POLN: variants seen among roughly 807,000 people sequenced by gnomAD.
POLN encodes the protein DNA polymerase N.
Under a neutral mutation model 113.5 loss-of-function variants are expected in POLN, and 108 were observed. The observed-to-expected ratio is 0.95, with a 90% CI of 0.81 to 1.12. POLN has a LOEUF of 1.12. POLN is among the 50% of genes most tolerant of loss of function. The pLI is 0.00. For synonymous variants in POLN, 386 were observed against 391.5 expected (o/e 0.99, Z 0.17); for missense variants, 1,097 against 1,077.1 (o/e 1.02, Z -0.26).
At chr4:2,079,743 C>A in intron 23 of POLN, 1 of 754,092 alleles carries the variant, frequency 1.3e-6, no homozygotes, top group Non-Finnish European at 1.6e-6. Flanking sequence ...CGCCACCACA[C>A]CTGGCTAATT....
At chr4:2,184,811 A>G (rs550535598) in intron 7 of POLN, among the ~76,000 whole-genome samples, 29 of 152,364 alleles carry the variant, frequency 1.9e-4, no homozygotes, top group African/African-American at 6.7e-4. Flanking sequence ...AGGCTCACCT[A>G]ACTCATCAAA....
chr4:2,224,731 A>C (rs1254306676), intron 3 of POLN, among the ~76,000 whole-genome samples: 1 of 152,140 alleles, frequency 6.6e-6, no homozygotes, highest in Non-Finnish European at 1.5e-5. Flanking sequence ...TGGGAGGATC[A>C]CCTGAGGTCA....
In POLN at chr4:2,242,088, G is replaced by C. The variant is rs955459001; in HGVS notation, c.-321C>G. 1.0e-6 allele frequency: 1 copy of C among 985,786 alleles called. No homozygotes were observed. The highest frequency in any genetic ancestry group is 1.2e-6 in the Non-Finnish European group (1 of 830,288). The allele number at this position is 985,786 out of a possible 1,614,324, so 61.1% of individuals were successfully genotyped here. A position where few individuals can be genotyped will look rare whatever the true frequency, so the allele number is the denominator to read the frequency against. On this transcript the variant is annotated 5_prime_UTR_variant, in exon 1 of 26. Transcript: ENST00000511885. ...CGCTTGCTTCTCGCAGGAGCCCGCC[G>C]CCACCGCCCTCCGTGCCCCGCGCGC...
intron 21 of POLN, 149 bp downstream of exon 21, chr4:2,085,464 A>G: frequency 9.8e-7 from 1 of 1,019,100 alleles, no homozygotes; most frequent in Non-Finnish European, 1.4e-6. Flanking sequence ...CTTCAGCCTT[A>G]TTTGTCCAAT....
At chr4:2,162,848 A>T in intron 13 of POLN, among the ~76,000 whole-genome samples, 1 of 151,918 alleles carries the variant, frequency 6.6e-6, no homozygotes, top group Non-Finnish European at 1.5e-5. Flanking sequence ...CTGACCCTCG[A>T]GTCAACACCA....
At chr4:2,141,022 C>T (rs1203870799) in intron 16 of POLN, 1 of 152,308 alleles carries the variant, frequency 6.6e-6, no homozygotes, top group Non-Finnish European at 1.5e-5. Context: ...AAGCACCGCC[C>T]AGGCCTGCTG....
At chr4:2,171,385 AC>A (rs1474054479) in intron 11 of POLN, among the ~76,000 whole-genome samples, 3 of 43,224 alleles carry the variant, frequency 6.9e-5, no homozygotes, top group Non-Finnish European at 1.3e-4. Flanking sequence ...CGACCCCACC[AC>A]TAAAAAAAAA....
At position 2,128,169 on chromosome 4, in the gene POLN, C is replaced by T. The variant is rs1731630455; in HGVS notation, c.1926G>A (p.Leu642=). The change falls in exon 19 of 26, where the codon CTG becomes CTA. Residue 642 remains leucine (L), a synonymous_variant. Transcript: ENST00000511885. ...LTHLSGDPEL[L]KLFQESERDD... ...CTCTTTCAGATTCCTGGAATAACTT[C>T]AGAAGTTCCGGATCTCCAGATAAAT... 6.2e-7 allele frequency: 1 copy of T among 1,612,826 alleles called. No individual in the cohort carries two copies. The highest frequency in any genetic ancestry group is 8.5e-7 in the Non-Finnish European group (1 of 1,178,988).
chr4:2,181,649 G>A (rs1794362), intron 7 of POLN, among the ~76,000 whole-genome samples: 152,026 of 152,282 alleles, frequency 1, 75,885 homozygotes, highest in Middle Eastern at 1. Context: ...TCAAAGGAAA[G>A]AAAACAAACG....
chr4:2,211,585 G>A (rs1357183051), intron 4 of POLN, among the ~76,000 whole-genome samples: 5 of 151,976 alleles, frequency 3.3e-5, no homozygotes, highest in South Asian at 2.1e-4. Context: ...AGACCAGCCC[G>A]GGCAACATGG....
chr4:2,211,042 G>T (rs1343328593), intron 4 of POLN, among the ~76,000 whole-genome samples: 2 of 150,780 alleles, frequency 1.3e-5, no homozygotes, highest in African/African-American at 2.4e-5. Context: ...CCAGAGGTCA[G>T]GAGTTCGAGA....
At chr4:2,128,801 T>C (rs1300896009) in intron 18 of POLN, among the ~76,000 whole-genome samples, 1 of 152,196 alleles carries the variant, frequency 6.6e-6, no homozygotes, top group Non-Finnish European at 1.5e-5. Context: ...ATGCCTGTAA[T>C]CCCAGCACTT....
At chr4:2,130,272 G>C (rs928502787) in intron 17 of POLN, among the ~76,000 whole-genome samples, 21 of 142,106 alleles carry the variant, frequency 1.5e-4, no homozygotes, top group Admixed American at 1.5e-3. Flanking sequence ...GAGGAGAGGA[G>C]AGGGGAGGAG....
chr4:2,156,825 G>A lies in POLN; in HGVS notation c.1694C>T (p.Thr565Ile). The stretch of plus-strand genomic sequence containing the variant: ...TGAAAGTCTTCCAGTCACAGTTCCA[G>A]TCTGATTCCATGTAGAGGAAATGGA... ...KGSISSTWNQ[T>I]GTVTGRLSAK... The change falls in exon 16 of 26, where the codon ACT (threonine) becomes ATT (isoleucine). Residue 565 changes from threonine to isoleucine, a missense_variant. Coordinates refer to ENST00000511885, the MANE Select transcript of POLN (RefSeq NM_181808.4). 6.2e-7 allele frequency: 1 copy of A among 1,613,112 alleles called. No homozygotes were observed. The highest frequency in any genetic ancestry group is 8.5e-7 in the Non-Finnish European group (1 of 1,179,044).
At chr4:2,221,193 A>G (rs978784259) in intron 3 of POLN, among the ~76,000 whole-genome samples, 2 of 152,124 alleles carry the variant, frequency 1.3e-5, no homozygotes, top group African/African-American at 4.8e-5. Context: ...GCTGGAGTGC[A>G]GTGGCACAAT....
intron 16 of POLN, among the ~76,000 whole-genome samples, chr4:2,142,953 G>A (rs937258075): frequency 6.6e-6 from 1 of 151,624 alleles, no homozygotes; most frequent in African/African-American, 2.4e-5. Flanking sequence ...GGTATTTGGA[G>A]TTGAGTTCAA....
chr4:2,233,866 G>T (rs952922679), intron 2 of POLN, among the ~76,000 whole-genome samples: 3 of 152,096 alleles, frequency 2.0e-5, no homozygotes, highest in African/African-American at 7.2e-5. Flanking sequence ...CACTTATATA[G>T]TGCTGGTAGC....
intron 22 of POLN, chr4:2,081,411 G>T: frequency 1.6e-6 from 1 of 623,144 alleles, no homozygotes; most frequent in Non-Finnish European, 2.8e-6. Context: ...CCCAGTTCTT[G>T]CGGGAATCAT....
At position 2,072,118 on chromosome 4, in the gene POLN, A is replaced by C; in HGVS notation, c.2699T>G (p.Leu900Arg). ...PPLHFSPSFC[L>R] ...TCCTCCCACTGTTGCCTGGGGCTAC[A>C]GACAAAATGAAGGCGAAAAATGCAG... The change falls in exon 26 of 26, where the codon CTG (leucine) becomes CGG (arginine). Residue 900 changes from leucine (L) to arginine (R), a missense_variant. Coordinates refer to ENST00000511885, the MANE Select transcript of POLN (RefSeq NM_181808.4). The C allele has an allele frequency of 6.2e-7, 1 of 1,612,964 alleles. No individual in the cohort carries two copies. Among genetic ancestry groups the C allele is most frequent in the South Asian group, 1.1e-5 (1 of 91,084 alleles).
Sources: gnomAD v4.1 joint callset for allele counts (sites outside exome capture counted in the v4.1 genomes callset) on GRCh38, gnomAD v4.1.1 for gene constraint, MANE v1.5 for transcripts, NCBI Gene and HGNC (gene_info 2026-07-23, HGNC 2026-07-21) for gene names.